INTS12: variants seen among roughly 807,000 people sequenced by gnomAD.
INTS12 encodes PHD finger protein 22.
In INTS12, 13 loss-of-function variants were observed where a neutral mutation model predicts 41.6. The ratio of observed to expected loss-of-function variants is 0.31; its 90% confidence interval spans 0.20 to 0.50. The LOEUF (loss-of-function observed/expected upper bound fraction) is 0.50, where lower values mean the gene tolerates loss of function less well. Ranked by LOEUF, INTS12 falls within the 20% of genes least tolerant of loss-of-function variation. The probability of loss-of-function intolerance (pLI) is 0.98; values close to 1 mark genes in which losing one functional copy is unlikely to be tolerated. For synonymous variants in INTS12, 199 were observed against 191.4 expected, an observed-to-expected ratio of 1.04 and a Z score of -0.33; for missense variants, 432 against 541.6, an observed-to-expected ratio of 0.80 and a Z score of 2.01.
At chr4:105,708,120 A>T in intron 1 of INTS12, 1 of 985,260 alleles carries the variant, frequency 1.0e-6, no homozygotes, top group African/African-American at 1.7e-5. Context: ...TCATTCCTCC[A>T]CTGAGTTCTT....
chr4:105,687,680 A>G (rs1375012800), intron 6 of INTS12, among the ~76,000 whole-genome samples: 1 of 152,254 alleles, frequency 6.6e-6, no homozygotes, highest in Non-Finnish European at 1.5e-5. Flanking sequence ...GCAGTGGCTC[A>G]CGCCTGTAAT....
intron 4 of INTS12, among the ~76,000 whole-genome samples, chr4:105,694,320 T>A (rs551292703): frequency 4.3e-4 from 65 of 152,258 alleles, no homozygotes; most frequent in Non-Finnish European, 7.1e-4. Context: ...CACAGTATGA[T>A]AACATTTACA....
chr4:105,683,468 C>G, intron 7 of INTS12, 151 bp from the exon 8 acceptor site: 1 of 639,924 alleles, frequency 1.6e-6, no homozygotes. Context: ...CAAAACTTAT[C>G]TGTATCTAGT....
chr4:105,690,493 A>G (rs1484217874), intron 6 of INTS12, among the ~76,000 whole-genome samples: 1 of 152,156 alleles, frequency 6.6e-6, no homozygotes, highest in Non-Finnish European at 1.5e-5. Flanking sequence ...CTGGTAAACA[A>G]TGGGATATGG....
chr4:105,695,548 T>C lies in INTS12; in HGVS notation c.277A>G (p.Lys93Glu). The change falls in exon 4 of 8, where the codon AAG becomes GAG. Residue 93 changes from lysine (K) to glutamate (E), a missense_variant. Physicochemically the swap from Lys to Glu is moderately conservative, Grantham distance 56. Transcript: ENST00000340139. Reference sequence around the variant, plus strand: ...GCAGGTCTCTTTTCAGCTTCCTTCTTTACCTTTTCAGTTGTGAGGACCTTG... The same window carrying C: ...GCAGGTCTCTTTTCAGCTTCCTTCTCTACCTTTTCAGTTGTGAGGACCTTG... ...NGKVLTTEKV[K>E]KEAEKRPADK... 1 of 1,611,254 alleles carries C rather than the reference T, an allele frequency of 6.2e-7. No homozygotes were observed. Among genetic ancestry groups the C allele is most frequent in the Non-Finnish European group, 8.5e-7 (1 of 1,179,260 alleles).
At chr4:105,687,667 G>T (rs1172031644) in intron 6 of INTS12, among the ~76,000 whole-genome samples, 3 of 152,176 alleles carry the variant, frequency 2.0e-5, no homozygotes, top group Admixed American at 2.0e-4. Context: ...CAACTGGCTG[G>T]GTGCAGTGGC....
Position 105,699,930 on chromosome 4 carries a change from CTT to C in INTS12, c.74_75del (p.Lys25ArgfsTer4), listed in dbSNP as rs763427077. ...KALGFLHSKSKDSAEKLKALL... is the reference protein window; with the variant it reads ...KALGFLHSKSXDSAEKLKALL... ...AGTGCTTTTAGCTTTTCAGCAGAAT[CTT>C]TACTCTTTGAATGCAAGAAACCTAG... On this transcript the variant is annotated frameshift_variant, in exon 3 of 8. Transcript: ENST00000340139. LOFTEE classifies it high-confidence loss of function. The C allele has an allele frequency of 6.4e-7, 1 of 1,557,210 alleles. No homozygotes were observed. Among genetic ancestry groups the C allele is most frequent in the Non-Finnish European group, 8.8e-7 (1 of 1,139,716 alleles).
chr4:105,704,761 T>G (rs1732206088), intron 1 of INTS12, among the ~76,000 whole-genome samples: 1 of 152,214 alleles, frequency 6.6e-6, no homozygotes. Flanking sequence ...TTTACCCTAT[T>G]GCCCAAGCCA....
chr4:105,706,570 T>C (rs1247539353), intron 1 of INTS12: 1 of 152,222 alleles, frequency 6.6e-6, no homozygotes, highest in Non-Finnish European at 1.5e-5. Context: ...TGTTTCCAAA[T>C]GCTTAGTGTA....
At chr4:105,703,424 C>A (rs528761145) in intron 2 of INTS12, among the ~76,000 whole-genome samples, 29 of 152,144 alleles carry the variant, frequency 1.9e-4, no homozygotes, top group Admixed American at 2.0e-4. Flanking sequence ...CATTACTGAA[C>A]AATGATCTTT....
intron 6 of INTS12, among the ~76,000 whole-genome samples, chr4:105,690,106 A>T (rs1340450922): frequency 1.3e-5 from 2 of 152,220 alleles, no homozygotes; most frequent in African/African-American, 4.8e-5. Context: ...AGCAGAAAAT[A>T]TGGGAACATG....
chr4:105,691,014 T>C (rs1166307301), intron 6 of INTS12, among the ~76,000 whole-genome samples: 1 of 152,222 alleles, frequency 6.6e-6, no homozygotes, highest in Non-Finnish European at 1.5e-5. Flanking sequence ...ACTATTGATA[T>C]ACACACTTTT....
chr4:105,694,561 C>A (rs1435998886), intron 4 of INTS12, among the ~76,000 whole-genome samples: 1 of 152,082 alleles, frequency 6.6e-6, no homozygotes, highest in Non-Finnish European at 1.5e-5. Flanking sequence ...GACCTGCTGA[C>A]CTCAAGTGAT....
At chr4:105,695,934 A>C (rs963811589) in intron 3 of INTS12, among the ~76,000 whole-genome samples, 3 of 152,032 alleles carry the variant, frequency 2.0e-5, no homozygotes, top group Non-Finnish European at 4.4e-5. Context: ...GCTCACTGCA[A>C]CCTCTGCCTC....
At chr4:105,705,673 A>G (rs564444909) in intron 1 of INTS12, 1 of 152,158 alleles carries the variant, frequency 6.6e-6, no homozygotes, top group African/African-American at 2.4e-5. Flanking sequence ...CAAGTCCTCC[A>G]ATATACTCTT....
chr4:105,706,641 G>A (rs1214541063), intron 1 of INTS12, among the ~76,000 whole-genome samples: 1 of 152,150 alleles, frequency 6.6e-6, no homozygotes, highest in African/African-American at 2.4e-5. Context: ...TTGAGATTCT[G>A]ATTATCTTCC....
At chr4:105,697,782 A>T (rs1376547583) in intron 3 of INTS12, among the ~76,000 whole-genome samples, 1 of 152,096 alleles carries the variant, frequency 6.6e-6, no homozygotes, top group Non-Finnish European at 1.5e-5. Context: ...AGGTGTGGTG[A>T]CACATGCCTG....
chr4:105,704,015 T>A (rs76321687), intron 1 of INTS12, among the ~76,000 whole-genome samples: 4 of 125,130 alleles, frequency 3.2e-5, no homozygotes, highest in Non-Finnish European at 7.3e-5. Context: ...CCATATCTTC[T>A]TTTTTTTTTT....
chr4:105,694,180 A>G (rs1466339841), intron 4 of INTS12, among the ~76,000 whole-genome samples: 1 of 152,206 alleles, frequency 6.6e-6, no homozygotes, highest in African/African-American at 2.4e-5. Flanking sequence ...CCTATGATAA[A>G]TCAGTAGGGG....
Sources: gnomAD v4.1 joint callset for allele counts (sites outside exome capture counted in the v4.1 genomes callset) on GRCh38, gnomAD v4.1.1 for gene constraint, MANE v1.5 for transcripts, NCBI Gene and HGNC (gene_info 2026-07-23, HGNC 2026-07-21) for gene names.